The following COL4A2 variants were observed in gnomAD, a reference collection of about 807,000 sequenced individuals.
COL4A2 encodes the protein collagen type IV alpha 2 chain, also known as collagen alpha-2(IV) chain.
COL4A2 carries 99 observed loss-of-function variants against 200.2 expected under a neutral mutation model. That is an observed-to-expected ratio of 0.49 (90% CI 0.42 to 0.58). The LOEUF is 0.58. COL4A2 is among the 20% of genes least tolerant of loss of function. COL4A2 has a pLI of 0.00. For synonymous variants in COL4A2, 897 were observed against 900.6 expected (o/e 1.00, Z 0.07); for missense variants, 1,950 against 2,314.1 (o/e 0.84, Z 3.23).
intron 20 of COL4A2, among the ~76,000 whole-genome samples, chr13:110,455,802 A>G (rs901806453): frequency 6.6e-6 from 1 of 152,112 alleles, no homozygotes; most frequent in Non-Finnish European, 1.5e-5. Flanking sequence ...CTCTTTTCCA[A>G]GCAGATAGCT....
chr13:110,397,504 T>C (rs886832136), intron 4 of COL4A2, among the ~76,000 whole-genome samples: 3 of 152,246 alleles, frequency 2.0e-5, no homozygotes, highest in Non-Finnish European at 4.4e-5. Context: ...ACATTTGAAC[T>C]TTTTTCAGTT....
chr13:110,433,233 C>T (rs1459686243), intron 11 of COL4A2, among the ~76,000 whole-genome samples: 4 of 152,264 alleles, frequency 2.6e-5, no homozygotes, highest in South Asian at 2.1e-4. Flanking sequence ...GGACGCCCCA[C>T]CGCCTGGCAG....
chr13:110,361,559 G>A (rs1417791597), intron 4 of COL4A2, among the ~76,000 whole-genome samples: 1 of 152,244 alleles, frequency 6.6e-6, no homozygotes, highest in Non-Finnish European at 1.5e-5. Flanking sequence ...AACATCGGAA[G>A]TTGTACGTCA....
intron 29 of COL4A2, among the ~76,000 whole-genome samples, chr13:110,477,101 C>T (rs1882733138): frequency 6.6e-6 from 1 of 152,196 alleles, no homozygotes; most frequent in Admixed American, 6.5e-5. Flanking sequence ...GTAATCCCAG[C>T]ACTTTGGGAG....
intron 4 of COL4A2, among the ~76,000 whole-genome samples, chr13:110,400,102 C>G (rs554609918): frequency 4.6e-5 from 7 of 151,788 alleles, no homozygotes; most frequent in African/African-American, 1.7e-4. Flanking sequence ...GCTTCTGCAA[C>G]CTCACTAACT....
At chr13:110,381,013 A>G (rs1270844931) in intron 4 of COL4A2, among the ~76,000 whole-genome samples, 3 of 137,548 alleles carry the variant, frequency 2.2e-5, no homozygotes, top group Admixed American at 7.2e-5. Context: ...CACAGGCTCT[A>G]TCTCACACCC....
chr13:110,350,999 C>G (rs1393599336), intron 3 of COL4A2, among the ~76,000 whole-genome samples: 3 of 152,236 alleles, frequency 2.0e-5, no homozygotes, highest in Middle Eastern at 3.4e-3. Context: ...AACTCTCTGT[C>G]CAGTGTCTTC....
rs556592850 is a variant in COL4A2 at position 110,450,506 on chromosome 13, C to G, written c.1339+52C>G. On this transcript the variant is annotated intron_variant, in intron 20 of 47. Coordinates refer to ENST00000360467, the MANE Select transcript of COL4A2 (RefSeq NM_001846.4). Reference sequence around the variant, plus strand: ...GTGTAGCCTAATGTTCAGATGAAGCCCGGTCCCAGCCGGATGTTATTTGGG... The same window carrying G: ...GTGTAGCCTAATGTTCAGATGAAGCGCGGTCCCAGCCGGATGTTATTTGGG... 44 of 1,589,688 alleles carry G rather than the reference C, an allele frequency of 2.8e-5. No homozygotes were observed. In the Middle Eastern group the frequency reaches 1.0e-3, roughly 36 times the overall value.
chr13:110,446,857 A>G lies in COL4A2; in HGVS notation c.1071A>G (p.Leu357=), dbSNP rs1014590616. Residue 357 remains leucine, a synonymous_variant, in exon 18 of 48, where the codon CTA becomes CTG. Coordinates refer to ENST00000360467, the MANE Select transcript of COL4A2 (RefSeq NM_001846.4). ...GLPAYSPHPS[L]AKGARGDPGF... Reference sequence around the variant, plus strand: ...CTGCCTACTCCCCTCACCCTTCCCTAGCAAAAGGTGTGTGAACAATTTCAC... The same window carrying G: ...CTGCCTACTCCCCTCACCCTTCCCTGGCAAAAGGTGTGTGAACAATTTCAC... 2 of 1,611,308 alleles carry G rather than the reference A, an allele frequency of 1.2e-6. No homozygotes were observed. The highest frequency in any genetic ancestry group is 2.7e-5 in the African/African-American group (2 of 74,882).
At chr13:110,357,620 G>A (rs1877336840) in intron 4 of COL4A2, 68 bp downstream of exon 4, 1 of 1,544,230 alleles carries the variant, frequency 6.5e-7, no homozygotes, top group Non-Finnish European at 8.8e-7. Flanking sequence ...TAACAACGGG[G>A]TACCTTCTGG....
intron 3 of COL4A2, among the ~76,000 whole-genome samples, chr13:110,309,750 G>T (rs1356283605): frequency 6.8e-6 from 1 of 146,082 alleles, no homozygotes; most frequent in Admixed American, 6.8e-5. Context: ...CACTTTGGGA[G>T]GCCGCGGCCT....
rs201109254 is a variant in COL4A2, at chr13:110,482,413, C to T, written c.2759-103C>T. On this transcript the variant is annotated intron_variant, in intron 31 of 47. Transcript: ENST00000360467. ...ATCCCTATTTTAGGTTCAGAATCTT[C>T]TCACTTGAGTTACATTGCCGAAATG... The T allele has an allele frequency of 3.1e-5, 40 of 1,272,850 alleles. No homozygotes were observed. The East Asian group carries it at 7.5e-4, about 24-fold the overall frequency. The allele number at this position is 1,272,850 out of a possible 1,614,324, so 78.8% of individuals were successfully genotyped here. A position where few individuals can be genotyped will look rare whatever the true frequency, so the allele number is the denominator to read the frequency against.
At chr13:110,389,846 G>C (rs902464256) in intron 4 of COL4A2, among the ~76,000 whole-genome samples, 1 of 144,720 alleles carries the variant, frequency 6.9e-6, no homozygotes, top group African/African-American at 2.6e-5. Flanking sequence ...TGTGTTAGTG[G>C]GTGCTTTTCT....
intron 4 of COL4A2, among the ~76,000 whole-genome samples, chr13:110,412,147 A>T (rs1008754794): frequency 6.6e-6 from 1 of 152,218 alleles, no homozygotes; most frequent in Non-Finnish European, 1.5e-5. Context: ...TAAGCAAGTC[A>T]AAGGGAAGGG....
intron 3 of COL4A2, among the ~76,000 whole-genome samples, chr13:110,354,802 A>G (rs974200893): frequency 6.6e-6 from 1 of 152,062 alleles, no homozygotes; most frequent in Non-Finnish European, 1.5e-5. Context: ...GCTGGAACCC[A>G]AGGCCAACTC....
intron 4 of COL4A2, among the ~76,000 whole-genome samples, chr13:110,395,819 C>G (rs1212121113): frequency 2.0e-5 from 3 of 152,120 alleles, no homozygotes; most frequent in African/African-American, 7.2e-5. Flanking sequence ...GTGGCGCATG[C>G]CTGTAATCCC....
chr13:110,359,420 C>T (rs527736159), intron 4 of COL4A2, among the ~76,000 whole-genome samples: 38 of 152,318 alleles, frequency 2.5e-4, no homozygotes, highest in African/African-American at 8.9e-4. Flanking sequence ...GCCTCCTTGC[C>T]TTTATTCCCT....
chr13:110,452,837 A>G (rs998987914), intron 20 of COL4A2, among the ~76,000 whole-genome samples: 1 of 152,064 alleles, frequency 6.6e-6, no homozygotes, highest in African/African-American at 2.4e-5. Flanking sequence ...ATCTCTGCTC[A>G]CTGCAACCTC....
intron 4 of COL4A2, among the ~76,000 whole-genome samples, chr13:110,408,816 C>CAT (rs879366725): frequency 0.58 from 78,842 of 134,992 alleles, 23,710 homozygotes; most frequent in Admixed American, 0.64. Flanking sequence ...TATATATACA[C>CAT]ACACACATGC....
Sources: allele counts gnomAD v4.1 joint callset (sites outside exome capture counted in the v4.1 genomes callset), GRCh38; gene constraint gnomAD v4.1.1; transcripts MANE v1.5; gene names NCBI Gene and HGNC (gene_info 2026-07-23, HGNC 2026-07-21).